The following METAP1 variants were observed in gnomAD, a reference collection of about 807,000 sequenced individuals.
METAP1 encodes the protein methionine aminopeptidase 1.
A neutral mutation model predicts 53.8 loss-of-function variants in METAP1; 28 were observed. The observed-to-expected ratio is 0.52, with a 90% CI of 0.39 to 0.71. The LOEUF (loss-of-function observed/expected upper bound fraction) is 0.71. METAP1 is among the 30% of genes least tolerant of loss of function. The probability of loss-of-function intolerance (pLI) is 0.00; values close to 1 mark genes in which losing one functional copy is unlikely to be tolerated. For missense variants in METAP1, 389 were observed against 479.8 expected, an observed-to-expected ratio of 0.81 and a Z score of 1.77; for synonymous variants, 181 against 165.7, an observed-to-expected ratio of 1.09 and a Z score of -0.71.
chr4:99,001,198 A>G (rs749535161), intron 1 of METAP1, among the ~76,000 whole-genome samples: 2 of 152,210 alleles, frequency 1.3e-5, no homozygotes, highest in Non-Finnish European at 2.9e-5. Flanking sequence ...GTTTTTATTT[A>G]TAGGGATTTT....
At chr4:99,053,787 C>A (rs895564071) in intron 9 of METAP1, among the ~76,000 whole-genome samples, 8 of 152,066 alleles carry the variant, frequency 5.3e-5, no homozygotes, top group African/African-American at 1.4e-4. Flanking sequence ...TGTTAGAGCT[C>A]TTGGGCGACC....
At chr4:99,041,002 T>C (rs1180294497) in intron 5 of METAP1, 41 bp from the exon 6 acceptor site, 4 of 1,431,134 alleles carry the variant, frequency 2.8e-6, no homozygotes, top group South Asian at 2.5e-5. Flanking sequence ...GATTTCTGTT[T>C]CTGTGTCTTT....
chr4:99,038,159 G>T (rs1002534171), intron 4 of METAP1, among the ~76,000 whole-genome samples: 5 of 151,960 alleles, frequency 3.3e-5, no homozygotes, highest in African/African-American at 2.4e-5. Flanking sequence ...CCAACTTGCT[G>T]AATTTGTATT....
intron 1 of METAP1, chr4:99,022,917 G>T: frequency 6.7e-7 from 1 of 1,502,966 alleles, no homozygotes; most frequent in South Asian, 1.2e-5. Flanking sequence ...GAACGCATCT[G>T]ACCTCACCAT....
At chr4:99,018,794 A>G (rs764591270) in intron 1 of METAP1, among the ~76,000 whole-genome samples, 3 of 152,198 alleles carry the variant, frequency 2.0e-5, no homozygotes, top group Non-Finnish European at 2.9e-5. Context: ...TCCATCTTTA[A>G]TAAGGCCTTC....
At chr4:99,010,896 A>G (rs1414481736) in intron 1 of METAP1, among the ~76,000 whole-genome samples, 2 of 151,992 alleles carry the variant, frequency 1.3e-5, no homozygotes, top group African/African-American at 2.4e-5. Context: ...GTTTAGGTTT[A>G]TTTCTAGGTA....
chr4:99,040,084 C>T (rs1158676589), intron 5 of METAP1, among the ~76,000 whole-genome samples: 3 of 152,206 alleles, frequency 2.0e-5, no homozygotes, highest in Non-Finnish European at 2.9e-5. Context: ...CAGTTTTCTT[C>T]TTAAAAGCCT....
intron 2 of METAP1, among the ~76,000 whole-genome samples, chr4:99,031,091 C>T (rs1025110169): frequency 2.1e-5 from 3 of 142,084 alleles, no homozygotes; most frequent in Non-Finnish European, 4.5e-5. Flanking sequence ...AAATAAATGA[C>T]TCAAAGGTAG....
chr4:99,059,440 G>A (rs1044337922), intron 10 of METAP1, among the ~76,000 whole-genome samples: 2 of 152,092 alleles, frequency 1.3e-5, no homozygotes, highest in Non-Finnish European at 2.9e-5. Flanking sequence ...AGGCCGCCTC[G>A]TATTTTCTTT....
intron 1 of METAP1, among the ~76,000 whole-genome samples, chr4:99,012,488 T>C: frequency 6.6e-6 from 1 of 152,002 alleles, no homozygotes; most frequent in Admixed American, 6.6e-5. Context: ...TTGGCCAGGC[T>C]AGTCTCGAAC....
intron 1 of METAP1, among the ~76,000 whole-genome samples, chr4:99,015,346 G>A (rs1723696091): frequency 6.6e-6 from 1 of 152,182 alleles, no homozygotes; most frequent in Admixed American, 6.5e-5. Flanking sequence ...GAAGGGAAAG[G>A]AGGAAGAGGG....
intron 1 of METAP1, among the ~76,000 whole-genome samples, chr4:99,013,032 T>A (rs749715368): frequency 1.3e-5 from 2 of 152,230 alleles, no homozygotes; most frequent in Non-Finnish European, 2.9e-5. Flanking sequence ...GTTCTTACTA[T>A]GCATCCCGTA....
At chr4:99,039,880 C>T (rs913453354) in intron 5 of METAP1, among the ~76,000 whole-genome samples, 1 of 151,904 alleles carries the variant, frequency 6.6e-6, no homozygotes, top group Non-Finnish European at 1.5e-5. Flanking sequence ...GCGTGAGCCA[C>T]CACACCTGGC....
chr4:99,054,184 T>A (rs978095700), intron 9 of METAP1, among the ~76,000 whole-genome samples: 2 of 152,222 alleles, frequency 1.3e-5, no homozygotes, highest in South Asian at 4.1e-4. Flanking sequence ...AAGGCTGTTT[T>A]GGTCTGCATT....
chr4:98,995,972 C>G, intron 1 of METAP1, 105 bp downstream of exon 1: 5 of 890,274 alleles, frequency 5.6e-6, no homozygotes, highest in South Asian at 4.3e-5. Context: ...CGCGCTCCTC[C>G]TCTTCCCCCC....
intron 6 of METAP1, 99 bp from the exon 7 acceptor site, chr4:99,043,150 A>G (rs1193308932): frequency 1.2e-6 from 1 of 820,312 alleles, no homozygotes; most frequent in Non-Finnish European, 1.9e-6. Context: ...TCATAGTAGC[A>G]TGTGTCCAAC....
chr4:99,039,370 C>T lies in METAP1; in HGVS notation c.341-4C>T. 6.3e-7 allele frequency: 1 copy of T among 1,592,220 alleles called. No homozygotes were observed. Among genetic ancestry groups the T allele is most frequent in the East Asian group, 2.2e-5 (1 of 44,642 alleles). ...TGGTTTTACTTACCGAATTTTCATT[C>T]CAGGAATGTCTGAATCTGAACAGGC... On this transcript the variant is annotated splice_region_variant and splice_polypyrimidine_tract_variant and intron_variant, in intron 4 of 10. Coordinates refer to ENST00000296411, the MANE Select transcript of METAP1 (RefSeq NM_015143.3).
intron 10 of METAP1, 40 bp from the exon 11 acceptor site, chr4:99,061,114 A>C: frequency 6.3e-7 from 1 of 1,588,314 alleles, no homozygotes; most frequent in Non-Finnish European, 8.6e-7. Flanking sequence ...GTTCATTTAG[A>C]AAACTGAGTG....
chr4:99,057,124 T>C (rs1316661018), intron 9 of METAP1, among the ~76,000 whole-genome samples: 3 of 152,178 alleles, frequency 2.0e-5, no homozygotes, highest in South Asian at 2.1e-4. Flanking sequence ...CTGCCTCGGC[T>C]TCCCAAAGTG....
Sources: gnomAD v4.1 joint callset for allele counts (sites outside exome capture counted in the v4.1 genomes callset) on GRCh38, gnomAD v4.1.1 for gene constraint, MANE v1.5 for transcripts, NCBI Gene and HGNC (gene_info 2026-07-23, HGNC 2026-07-21) for gene names.